Variants in CARS2 observed in about 807,000 individuals in gnomAD.
CARS2 encodes the protein probable cysteine--tRNA ligase, mitochondrial.
In CARS2, 52 loss-of-function variants were observed where a neutral mutation model predicts 68.8. The observed-to-expected ratio is 0.76, with a 90% CI of 0.61 to 0.95. CARS2 has a LOEUF of 0.95. Among genes scored for constraint, CARS2 ranks in the 40% least tolerant of loss-of-function variants. The pLI, the probability that CARS2 is intolerant of heterozygous loss-of-function variation, is 0.00. For missense variants in CARS2, 780 were observed against 754.2 expected, an observed-to-expected ratio of 1.03 and a Z score of -0.40; for synonymous variants, 314 against 303.6, an observed-to-expected ratio of 1.03 and a Z score of -0.36.
rs1375014845 is a variant in CARS2, at chr13:110,668,160, C to T, written c.786-687G>A. Among the ~76,000 whole-genome samples, 4 of 152,194 alleles carry T rather than the reference C, an allele frequency of 2.6e-5. No homozygotes were observed. Among genetic ancestry groups the T allele is most frequent in the African/African-American group, 9.6e-5 (4 of 41,460 alleles). On this transcript the variant is annotated intron_variant, in intron 7 of 14. Coordinates refer to ENST00000257347, the MANE Select transcript of CARS2 (RefSeq NM_024537.4). The surrounding 1 kb of genome is among the most constrained non-coding windows in gnomAD (Gnocchi z 4.1). ...CTTCCTGCTCCCACTGGTCTGGTTC[C>T]CTGTGCTCGGGGAAGCACTGCACAC...
At chr13:110,647,964 G>A (rs1888369817) in intron 10 of CARS2, among the ~76,000 whole-genome samples, 1 of 152,168 alleles carries the variant, frequency 6.6e-6, no homozygotes, top group South Asian at 2.1e-4. Context: ...TGCTTTTGAG[G>A]AGTGCTGCTT....
intron 13 of CARS2, 190 bp from the exon 14 acceptor site, chr13:110,642,711 T>C (rs1181254249): frequency 1.3e-6 from 1 of 761,382 alleles, no homozygotes. Context: ...TGGGCAAGGC[T>C]CCACTCAACT....
chr13:110,667,257 A>G (rs1358018053), intron 8 of CARS2, 83 bp downstream of exon 8: 1 of 1,273,904 alleles, frequency 7.8e-7, no homozygotes, highest in Non-Finnish European at 1.1e-6. Context: ...TCTACTATGT[A>G]TTTCCAAATG....
intron 6 of CARS2, among the ~76,000 whole-genome samples, chr13:110,681,156 TG>T (rs2063146780): frequency 1.3e-5 from 2 of 152,190 alleles, no homozygotes; most frequent in Non-Finnish European, 2.9e-5. Flanking sequence ...CCTCCAACCT[TG>T]GCCTCCTAAA....
chr13:110,694,637 A>T (rs1299770927), intron 3 of CARS2, among the ~76,000 whole-genome samples: 2 of 152,094 alleles, frequency 1.3e-5, no homozygotes, highest in Non-Finnish European at 2.9e-5. Context: ...ACCCTGTCTC[A>T]AAACAAAAAC....
rs1254492771 is a variant in CARS2, at chr13:110,706,104, A to G, written c.-11T>C. 2 of 1,275,196 alleles carry G rather than the reference A, an allele frequency of 1.6e-6. No individual in the cohort carries two copies. Among genetic ancestry groups the G allele is most frequent in the Non-Finnish European group, 9.9e-7 (1 of 1,012,462 alleles). The allele number at this position is 1,275,196 out of a possible 1,614,324, so 79.0% of individuals were successfully genotyped here. On this transcript the variant is annotated 5_prime_UTR_variant, in exon 1 of 15. Transcript: ENST00000257347. ...CGTAGTCCTCAACATGTCAGCGGCC[A>G]GCGCCTACGACTGGGCGGAGACGGG...
At chr13:110,663,751 G>C (rs774571194) in intron 8 of CARS2, 2 of 1,271,174 alleles carry the variant, frequency 1.6e-6, no homozygotes, top group Non-Finnish European at 2.0e-6. Flanking sequence ...GAGAGCAGAT[G>C]GCAGGGGTGC....
At chr13:110,644,281 T>C in intron 13 of CARS2, 104 bp downstream of exon 13, 2 of 1,340,842 alleles carry the variant, frequency 1.5e-6, no homozygotes, top group Non-Finnish European at 2.1e-6. Flanking sequence ...GGTAAATACA[T>C]TAGTGTGGCA....
At chr13:110,691,409 T>C (rs1566332090) in intron 3 of CARS2, among the ~76,000 whole-genome samples, 1 of 152,240 alleles carries the variant, frequency 6.6e-6, no homozygotes, top group Non-Finnish European at 1.5e-5. Flanking sequence ...TTTCATGAAA[T>C]GTAAAAACTG....
chr13:110,671,333 A>G (rs950894815), intron 7 of CARS2, among the ~76,000 whole-genome samples: 2 of 152,238 alleles, frequency 1.3e-5, no homozygotes, highest in Non-Finnish European at 2.9e-5. Flanking sequence ...GGTTACCCAC[A>G]AAGGGAAGCC....
At chr13:110,667,203 A>G (rs1427079815) in intron 8 of CARS2, 137 bp downstream of exon 8, 1 of 850,154 alleles carries the variant, frequency 1.2e-6, no homozygotes, top group African/African-American at 1.7e-5. Context: ...TTGAAACTCA[A>G]AAATAATTTA....
chr13:110,686,469 ACTC>A (rs893393314), intron 5 of CARS2, among the ~76,000 whole-genome samples: 3 of 151,720 alleles, frequency 2.0e-5, no homozygotes, highest in African/African-American at 7.3e-5. Context: ...CTGGTCCTGA[ACTC>A]CTGGACTCAA....
Position 110,676,026 on chromosome 13 carries a change from T to C in CARS2, c.785+948A>G, listed in dbSNP as rs2062938798. Among the ~76,000 whole-genome samples the C allele has an allele frequency of 1.3e-5, 2 of 152,208 alleles. No individual in the cohort carries two copies. The highest frequency in any genetic ancestry group is 4.1e-4 in the South Asian group (2 of 4,836). Reference sequence around the variant, plus strand: ...CAAAATTAGCCGGGGTGGTGGCGCATGCCAGTAATCCCAGCTACTCAGGAG... The same window carrying C: ...CAAAATTAGCCGGGGTGGTGGCGCACGCCAGTAATCCCAGCTACTCAGGAG... On this transcript the variant is annotated intron_variant, in intron 7 of 14. Transcript: ENST00000257347. The surrounding 1 kb of genome is among the most constrained non-coding windows in gnomAD (Gnocchi z 4.0).
intron 9 of CARS2, among the ~76,000 whole-genome samples, chr13:110,659,880 A>G (rs549486957): frequency 6.6e-5 from 10 of 152,340 alleles, no homozygotes; most frequent in African/African-American, 2.4e-4. Context: ...AAACAAGACA[A>G]TAATGAAGTC....
At chr13:110,645,933 G>C in intron 12 of CARS2, 34 bp downstream of exon 12, 1 of 1,603,096 alleles carries the variant, frequency 6.2e-7, no homozygotes, top group Non-Finnish European at 8.5e-7. Flanking sequence ...GCCCCTGGCA[G>C]CAGGACCGCA....
In CARS2 at chr13:110,641,548, A is replaced by AT. The variant is rs575601185; in HGVS notation, c.1683dup (p.Ser562IlefsTer36). 3.4e-3 allele frequency: 5,415 copies of AT among 1,613,608 alleles called. 6 individuals carry two copies. The highest frequency in any genetic ancestry group is 4.3e-3 in the Non-Finnish European group (5,028 of 1,179,564). The stretch of plus-strand genomic sequence containing the variant: ...GCTGTGCTCCATCCTCAGCCCGCTG[A>AT]TTTTTGGTCTTTTGTCCTTTGATCC... On this transcript the variant is annotated frameshift_variant, in exon 15 of 15. Coordinates refer to ENST00000257347, the MANE Select transcript of CARS2 (RefSeq NM_024537.4). LOFTEE classifies it high-confidence loss of function.
At chr13:110,682,498 G>C (rs1488105150) in intron 6 of CARS2, among the ~76,000 whole-genome samples, 1 of 152,170 alleles carries the variant, frequency 6.6e-6, no homozygotes, top group African/African-American at 2.4e-5. Context: ...ACAGTCTTTG[G>C]GGTCTGTCCC....
At chr13:110,659,168 C>T (rs2139731945) in intron 9 of CARS2, among the ~76,000 whole-genome samples, 1 of 152,164 alleles carries the variant, frequency 6.6e-6, no homozygotes, top group Non-Finnish European at 1.5e-5. Flanking sequence ...ACACGCTCAC[C>T]ACTCCCATAA....
intron 13 of CARS2, chr13:110,643,002 A>T (rs1887607392): frequency 6.8e-5 from 24 of 355,366 alleles, no homozygotes; most frequent in South Asian, 4.8e-4. Flanking sequence ...CCCACTGAGA[A>T]CAGATCCTGG....
Sources: allele counts gnomAD v4.1 joint callset (sites outside exome capture counted in the v4.1 genomes callset), GRCh38; gene constraint gnomAD v4.1.1; non-coding constraint Gnocchi (gnomAD v3.1); transcripts MANE v1.5; gene names NCBI Gene and HGNC (gene_info 2026-07-23, HGNC 2026-07-21).